The following MSRB3 variants were observed in gnomAD, a reference collection of about 807,000 sequenced individuals.
The protein encoded by MSRB3 is methionine-R-sulfoxide reductase B3.
A neutral mutation model predicts 21.0 loss-of-function variants in MSRB3; 13 were observed. The observed-to-expected ratio is 0.62, with a 90% CI of 0.40 to 0.98. The LOEUF (loss-of-function observed/expected upper bound fraction) is 0.98. MSRB3 is among the 50% of genes least tolerant of loss of function. The pLI is 0.00. For synonymous variants in MSRB3, 87 were observed against 88.6 expected (o/e 0.98, Z 0.10); for missense variants, 199 against 230.3 (o/e 0.86, Z 0.88).
chr12:65,385,189 G>A (rs1879145126), intron 5 of MSRB3, among the ~76,000 whole-genome samples: 1 of 152,002 alleles, frequency 6.6e-6, no homozygotes, highest in African/African-American at 2.4e-5. Flanking sequence ...TAGCGATATG[G>A]GTTTTATTTG....
At chr12:65,446,858 A>T (rs1565896152) in intron 5 of MSRB3, among the ~76,000 whole-genome samples, 1 of 152,228 alleles carries the variant, frequency 6.6e-6, no homozygotes. Flanking sequence ...CTCAGAATTG[A>T]CAAGAGCAAA....
At position 65,351,539 on chromosome 12, in the gene MSRB3, G is replaced by T. The variant is rs944060461; in HGVS notation, c.264-17459G>T. Among the ~76,000 whole-genome samples, 22 of 149,586 alleles carry T rather than the reference G, an allele frequency of 1.5e-4. No homozygotes were observed. In the South Asian group the frequency reaches 4.6e-3, roughly 31 times the overall value. On this transcript the variant is annotated intron_variant, in intron 4 of 6. Coordinates refer to ENST00000308259, the MANE Select transcript of MSRB3 (RefSeq NM_001031679.3). ...GAATCCAGGAGCTGGTTTTTTGAAG[G>T]GATCAACAAAATTGATAGACTGCTA...
intron 1 of MSRB3, among the ~76,000 whole-genome samples, chr12:65,300,690 G>T (rs556707280): frequency 1.3e-5 from 2 of 152,304 alleles, no homozygotes; most frequent in South Asian, 4.1e-4. Context: ...AATGCTGAAG[G>T]TTTAGTTCTT....
intron 1 of MSRB3, among the ~76,000 whole-genome samples, chr12:65,298,659 A>C (rs1193463089): frequency 1.3e-5 from 2 of 152,158 alleles, no homozygotes; most frequent in Non-Finnish European, 2.9e-5. Flanking sequence ...GCTATATCAG[A>C]TGCAAGCCAT....
At chr12:65,461,974 C>G (rs1364463257) in intron 6 of MSRB3, among the ~76,000 whole-genome samples, 2 of 152,170 alleles carry the variant, frequency 1.3e-5, no homozygotes, top group Non-Finnish European at 2.9e-5. Context: ...GCATTGCTTT[C>G]TACCTTCCAT....
At chr12:65,343,949 C>A (rs1476779080) in intron 4 of MSRB3, among the ~76,000 whole-genome samples, 1 of 152,062 alleles carries the variant, frequency 6.6e-6, no homozygotes, top group Non-Finnish European at 1.5e-5. Context: ...GGTTTAAAGT[C>A]ACAACTTTCC....
intron 5 of MSRB3, among the ~76,000 whole-genome samples, chr12:65,436,159 G>A (rs968963821): frequency 2.0e-5 from 3 of 151,678 alleles, no homozygotes; most frequent in Admixed American, 6.6e-5. Flanking sequence ...AAAAAAATCC[G>A]TATTTTATTT....
intron 1 of MSRB3, among the ~76,000 whole-genome samples, chr12:65,290,913 A>G (rs1351499465): frequency 6.6e-6 from 1 of 152,194 alleles, no homozygotes; most frequent in Non-Finnish European, 1.5e-5. Context: ...CATGAGGGGA[A>G]ATAAAGTTTT....
intron 4 of MSRB3, among the ~76,000 whole-genome samples, chr12:65,339,225 C>G (rs1354486440): frequency 2.0e-5 from 3 of 152,184 alleles, no homozygotes; most frequent in African/African-American, 7.2e-5. Flanking sequence ...GGGAGCTGCC[C>G]TATACATTGT....
chr12:65,300,736 G>A (rs1592502533), intron 1 of MSRB3, among the ~76,000 whole-genome samples: 1 of 152,174 alleles, frequency 6.6e-6, no homozygotes, highest in East Asian at 1.9e-4. Flanking sequence ...TCAGATGGGA[G>A]CTCTGCCCCG....
chr12:65,279,130 C>G, intron 1 of MSRB3: 2 of 1,313,206 alleles, frequency 1.5e-6, no homozygotes, highest in South Asian at 3.4e-5. Flanking sequence ...TCACTGACAC[C>G]TTATCCTGTC....
intron 4 of MSRB3, among the ~76,000 whole-genome samples, chr12:65,343,960 C>G (rs1876317366): frequency 6.6e-6 from 1 of 152,024 alleles, no homozygotes; most frequent in African/African-American, 2.4e-5. Flanking sequence ...ACAACTTTCC[C>G]CACTTTACTG....
intron 1 of MSRB3, among the ~76,000 whole-genome samples, chr12:65,299,293 C>G (rs182570019): frequency 1.4e-4 from 22 of 152,334 alleles, no homozygotes; most frequent in African/African-American, 4.6e-4. Flanking sequence ...GCTGCTCTGA[C>G]AAAGAGATTA....
chr12:65,459,458 A>G (rs1326897148), intron 6 of MSRB3, among the ~76,000 whole-genome samples: 1 of 152,194 alleles, frequency 6.6e-6, no homozygotes, highest in African/African-American at 2.4e-5. Context: ...TCATAATGCT[A>G]AACTGGTGAC....
intron 6 of MSRB3, among the ~76,000 whole-genome samples, chr12:65,457,793 T>C (rs1421447848): frequency 1.3e-5 from 2 of 151,680 alleles, no homozygotes; most frequent in East Asian, 3.9e-4. Flanking sequence ...GTGAAGGATA[T>C]GAACAGACAC....
rs895775812 is a variant in MSRB3 at position 65,332,474 on chromosome 12, C to T, written c.263+3871C>T. Among the ~76,000 whole-genome samples the T allele has an allele frequency of 5.9e-5, 9 of 151,674 alleles. No individual in the cohort carries two copies. In the South Asian group the frequency reaches 1.5e-3, roughly 25 times the overall value. On this transcript the variant is annotated intron_variant, in intron 4 of 6. Transcript: ENST00000308259. ...CTGAATTTCAAGTATCTAATCACAC[C>T]GGGGCCTGTTGTGGGGTGGGGTGAG...
At chr12:65,356,992 C>T (rs1377300771) in intron 4 of MSRB3, among the ~76,000 whole-genome samples, 5 of 151,666 alleles carry the variant, frequency 3.3e-5, no homozygotes, top group African/African-American at 9.7e-5. Flanking sequence ...CTGTGTCGGA[C>T]CATGCAGCTT....
chr12:65,323,576 G>T (rs1039940815), intron 2 of MSRB3, among the ~76,000 whole-genome samples: 1 of 152,156 alleles, frequency 6.6e-6, no homozygotes, highest in African/African-American at 2.4e-5. Flanking sequence ...CAATTTAGAG[G>T]TCATTGAACA....
intron 1 of MSRB3, among the ~76,000 whole-genome samples, chr12:65,293,752 C>G (rs1256209977): frequency 6.6e-6 from 1 of 152,150 alleles, no homozygotes; most frequent in Non-Finnish European, 1.5e-5. Flanking sequence ...TGGCAGGGAC[C>G]ATGGCATCTT....
Sources: allele counts gnomAD v4.1 joint callset (sites outside exome capture counted in the v4.1 genomes callset), GRCh38; gene constraint gnomAD v4.1.1; transcripts MANE v1.5; gene names NCBI Gene and HGNC (gene_info 2026-07-23, HGNC 2026-07-21).